FMN1: variants seen among roughly 807,000 people sequenced by gnomAD.
The protein encoded by FMN1 is formin 1.
In FMN1, 110 loss-of-function variants were observed where a neutral mutation model predicts 132.4. The observed-to-expected ratio is 0.83, with a 90% CI of 0.71 to 0.97. The LOEUF (loss-of-function observed/expected upper bound fraction) is 0.97, where lower values mean the gene tolerates loss of function less well. Among genes scored for constraint, FMN1 ranks in the 50% least tolerant of loss-of-function variants. The pLI is 0.00. For missense variants in FMN1, 1,792 were observed against 1,705.3 expected, an observed-to-expected ratio of 1.05 and a Z score of -0.90; for synonymous variants, 722 against 651.7, an observed-to-expected ratio of 1.11 and a Z score of -1.64.
intron 6 of FMN1, among the ~76,000 whole-genome samples, chr15:33,024,436 C>T (rs919812309): frequency 2.0e-5 from 3 of 151,440 alleles, no homozygotes; most frequent in Admixed American, 6.6e-5. Flanking sequence ...TTAGTAGAGA[C>T]GGGGTTTCAC....
At chr15:32,960,065 C>G (rs1262502054) in intron 9 of FMN1, among the ~76,000 whole-genome samples, 2 of 152,208 alleles carry the variant, frequency 1.3e-5, no homozygotes, top group Admixed American at 6.5e-5. Flanking sequence ...ATTTAAAAAG[C>G]CAGCCTGGCT....
intron 8 of FMN1, among the ~76,000 whole-genome samples, chr15:32,965,578 C>T (rs1004138579): frequency 7.2e-5 from 11 of 152,124 alleles, no homozygotes; most frequent in African/African-American, 2.7e-4. Flanking sequence ...GAATGGTCCA[C>T]AGAATTTTGT....
At chr15:33,001,291 A>G (rs2034090248) in intron 7 of FMN1, among the ~76,000 whole-genome samples, 1 of 151,538 alleles carries the variant, frequency 6.6e-6, no homozygotes, top group Admixed American at 6.6e-5. Flanking sequence ...CTCAAAAAGA[A>G]AAAAAAAAGT....
At chr15:32,989,407 A>G (rs1250593552) in intron 7 of FMN1, among the ~76,000 whole-genome samples, 2 of 152,188 alleles carry the variant, frequency 1.3e-5, no homozygotes, top group African/African-American at 4.8e-5. Flanking sequence ...CTTGCAGGGC[A>G]CAAAGAATTG....
At chr15:33,191,734 G>C (rs1251252619) in intron 2 of FMN1, among the ~76,000 whole-genome samples, 1 of 152,140 alleles carries the variant, frequency 6.6e-6, no homozygotes, top group African/African-American at 2.4e-5. Context: ...CAGAGCATGG[G>C]GTTGATGCTT....
intron 9 of FMN1, among the ~76,000 whole-genome samples, chr15:32,963,397 A>G (rs2030819829): frequency 1.3e-5 from 2 of 151,778 alleles, no homozygotes; most frequent in Non-Finnish European, 2.9e-5. Flanking sequence ...CTAATGCTAG[A>G]TGACGCGTTA....
chr15:33,007,127 AT>A (rs1377535676), intron 7 of FMN1, among the ~76,000 whole-genome samples: 2 of 152,186 alleles, frequency 1.3e-5, no homozygotes, highest in African/African-American at 2.4e-5. Context: ...AATTAGCTCA[AT>A]TTAGTTACTC....
intron 15 of FMN1, among the ~76,000 whole-genome samples, chr15:32,893,110 G>C (rs573510222): frequency 6.6e-6 from 1 of 152,134 alleles, no homozygotes; most frequent in Non-Finnish European, 1.5e-5. Flanking sequence ...TCCTCTTTAA[G>C]GCCATTAGCT....
chr15:33,083,474 G>T (rs147449646), intron 5 of FMN1, among the ~76,000 whole-genome samples: 2 of 152,218 alleles, frequency 1.3e-5, no homozygotes, highest in East Asian at 3.9e-4. Context: ...CTCCAGGAGG[G>T]TAGAGAGGCT....
intron 17 of FMN1, among the ~76,000 whole-genome samples, chr15:32,828,499 T>C (rs68123931): frequency 0.38 from 56,992 of 151,608 alleles, 11,535 homozygotes; most frequent in East Asian, 0.83. Flanking sequence ...CTTTATCATT[T>C]AGCATGTTTT....
At chr15:33,077,364 T>G (rs1196123751) in intron 5 of FMN1, among the ~76,000 whole-genome samples, 1 of 94,890 alleles carries the variant, frequency 1.1e-5, no homozygotes, top group Non-Finnish European at 2.3e-5. Flanking sequence ...AATATATATA[T>G]ATATATTTTT....
chr15:32,861,478 G>A (rs936223629), intron 16 of FMN1, among the ~76,000 whole-genome samples: 9 of 152,134 alleles, frequency 5.9e-5, no homozygotes, highest in African/African-American at 1.9e-4. Context: ...GGTGGGCTGT[G>A]GCTTGTTTTT....
intron 10 of FMN1, among the ~76,000 whole-genome samples, chr15:32,918,019 G>A (rs1422821389): frequency 6.6e-6 from 1 of 151,962 alleles, no homozygotes; most frequent in Non-Finnish European, 1.5e-5. Flanking sequence ...GCAATGAAAT[G>A]ATTAAGCTTT....
intron 17 of FMN1, among the ~76,000 whole-genome samples, chr15:32,842,212 GCTAA>G (rs1353676023): frequency 2.0e-5 from 3 of 152,160 alleles, no homozygotes; most frequent in African/African-American, 7.2e-5. Context: ...ATGTAAGAAG[GCTAA>G]CTACTGCGAG....
intron 6 of FMN1, among the ~76,000 whole-genome samples, chr15:33,041,507 A>C (rs1596534024): frequency 6.6e-6 from 1 of 151,908 alleles, no homozygotes; most frequent in African/African-American, 2.4e-5. Context: ...AATAGTTAAC[A>C]ATTTGTGTTT....
intron 17 of FMN1, among the ~76,000 whole-genome samples, chr15:32,844,013 G>T (rs1486738059): frequency 1.3e-5 from 2 of 152,102 alleles, no homozygotes; most frequent in Non-Finnish European, 2.9e-5. Flanking sequence ...AAAAAAACTG[G>T]GAGGGAAAGG....
At chr15:33,113,621 T>G (rs972724909) in intron 4 of FMN1, among the ~76,000 whole-genome samples, 20 of 152,250 alleles carry the variant, frequency 1.3e-4, no homozygotes, top group African/African-American at 3.8e-4. Context: ...CGGAGGCACC[T>G]TCCTCTACAG....
At chr15:33,078,230 T>C (rs1231939163) in intron 5 of FMN1, among the ~76,000 whole-genome samples, 4 of 152,212 alleles carry the variant, frequency 2.6e-5, no homozygotes, top group Non-Finnish European at 5.9e-5. Context: ...AAGAATTAAA[T>C]GTGCTAATAT....
At chr15:33,157,026 G>T (rs556126496) in intron 3 of FMN1, among the ~76,000 whole-genome samples, 1 of 152,248 alleles carries the variant, frequency 6.6e-6, no homozygotes, top group Non-Finnish European at 1.5e-5. Context: ...CCAGCACTTT[G>T]GGAGGCCGAG....
Sources: gnomAD v4.1 joint callset for allele counts (sites outside exome capture counted in the v4.1 genomes callset) on GRCh38, gnomAD v4.1.1 for gene constraint, MANE v1.5 for transcripts, NCBI Gene and HGNC (gene_info 2026-07-23, HGNC 2026-07-21) for gene names.